LRRC52: variants seen among roughly 807,000 people sequenced by gnomAD.
The protein encoded by LRRC52 is leucine-rich repeat-containing protein 52.
In LRRC52, 15 loss-of-function variants were observed where a neutral mutation model predicts 14.7. The observed-to-expected ratio is 1.02, with a 90% CI of 0.68 to 1.58. LRRC52 has a LOEUF of 1.58. Among genes scored for constraint, LRRC52 ranks in the 40% most tolerant of loss-of-function variants. The pLI is 0.00. For synonymous variants in LRRC52, 180 were observed against 163.9 expected (o/e 1.10, Z -0.75); for missense variants, 400 against 387.7 (o/e 1.03, Z -0.27).
chr1:165,549,810 G>A (rs1007848875), intron 1 of LRRC52, among the ~76,000 whole-genome samples: 5 of 152,170 alleles, frequency 3.3e-5, no homozygotes, highest in Non-Finnish European at 5.9e-5. Context: ...TTATCATAAG[G>A]CTACACTGAA....
chr1:165,544,151 T>C lies in LRRC52; in HGVS notation c.-146T>C. 2 of 1,017,690 alleles carry C rather than the reference T, an allele frequency of 2.0e-6. No homozygotes were observed. Among genetic ancestry groups the C allele is most frequent in the Non-Finnish European group, 2.9e-6 (2 of 698,912 alleles). 63.0% of individuals were successfully genotyped at this position (1,017,690 alleles called of 1,614,324 possible). On this transcript the variant is annotated 5_prime_UTR_variant, in exon 1 of 2. Coordinates refer to ENST00000294818, the MANE Select transcript of LRRC52 (RefSeq NM_001005214.4). ...CGTTTCAATTTCTGTTCAGTTCTCC[T>C]GTAATGGAAAATTGCTTTGCACAAA... is the stretch of plus-strand genomic sequence containing the variant.
intron 1 of LRRC52, among the ~76,000 whole-genome samples, chr1:165,552,032 G>A (rs1661141732): frequency 6.6e-6 from 1 of 151,542 alleles, no homozygotes; most frequent in Admixed American, 6.6e-5. Context: ...TTCCAAGGCT[G>A]TTGAAAGCCA....
chr1:165,544,259 G>T lies in LRRC52; in HGVS notation c.-38G>T. The stretch of plus-strand genomic sequence containing the variant: ...GCCTTCGGATCAGAGGACAGAGCCC[G>T]CAGGAAGGTGAAAGGAGGGTGGTTG... On this transcript the variant is annotated 5_prime_UTR_variant, in exon 1 of 2. Transcript: ENST00000294818. 3.2e-6 allele frequency: 4 copies of T among 1,269,196 alleles called. No individual in the cohort carries two copies. The highest frequency in any genetic ancestry group is 4.2e-6 in the Non-Finnish European group (4 of 955,346). 78.6% of individuals were successfully genotyped at this position (1,269,196 alleles called of 1,614,324 possible).
intron 1 of LRRC52, among the ~76,000 whole-genome samples, chr1:165,553,199 C>G (rs1661169531): frequency 6.6e-6 from 1 of 152,158 alleles, no homozygotes; most frequent in Non-Finnish European, 1.5e-5. Flanking sequence ...ATGCAACATA[C>G]TAAAGGGTCA....
chr1:165,562,616 G>A (rs1185994545), intron 1 of LRRC52, among the ~76,000 whole-genome samples: 1 of 151,490 alleles, frequency 6.6e-6, no homozygotes, highest in Admixed American at 6.6e-5. Context: ...GTATCCTGCT[G>A]AAGTTTACAA....
chr1:165,563,272 G>A (rs1571115070), intron 1 of LRRC52, among the ~76,000 whole-genome samples: 2 of 152,192 alleles, frequency 1.3e-5, no homozygotes, highest in South Asian at 2.1e-4. Flanking sequence ...AAACTCCAAT[G>A]TGCAACAGAT....
chr1:165,548,171 T>C (rs1441780760), intron 1 of LRRC52, among the ~76,000 whole-genome samples: 2 of 152,166 alleles, frequency 1.3e-5, no homozygotes, highest in Admixed American at 1.3e-4. Flanking sequence ...AACAGACTCA[T>C]TTTAGGCCCA....
chr1:165,563,380 C>G, intron 1 of LRRC52, 125 bp from the exon 2 acceptor site: 1 of 776,780 alleles, frequency 1.3e-6, no homozygotes. Context: ...GATGTCGATG[C>G]TGCTGGCCCA....
intron 1 of LRRC52, among the ~76,000 whole-genome samples, chr1:165,563,057 C>T (rs947663132): frequency 3.3e-5 from 5 of 151,956 alleles, no homozygotes; most frequent in African/African-American, 1.2e-4. Flanking sequence ...AAGGGAAAGT[C>T]GGGATGGAGG....
At chr1:165,556,683 TG>T (rs1390141527) in intron 1 of LRRC52, among the ~76,000 whole-genome samples, 5 of 152,264 alleles carry the variant, frequency 3.3e-5, no homozygotes, top group Admixed American at 1.3e-4. Flanking sequence ...TGTAGTTTGC[TG>T]ACCCCTGGCT....
chr1:165,544,487 G>T lies in LRRC52; in HGVS notation c.191G>T (p.Arg64Ile). Residue 64 changes from arginine (R) to isoleucine (I), a missense_variant, in exon 1 of 2, where the codon AGA becomes ATA. Arg to Ile is a moderately conservative substitution (Grantham distance 97). Transcript: ENST00000294818. ...NTRRLFLNEN[R>I]ITSLPAMHLG... ...CGGAGGCTGTTCCTGAACGAGAACA[G>T]AATCACTAGTTTGCCAGCAATGCAT... The T allele has an allele frequency of 6.2e-7, 1 of 1,614,178 alleles. No homozygotes were observed.
chr1:165,563,748 G>A lies in LRRC52; in HGVS notation c.866G>A (p.Gly289Glu). Reference protein sequence around the residue: ...KSSEEDEDEAGTRVEVSRRIF... With the variant: ...KSSEEDEDEAETRVEVSRRIF... ...AGTGAAGAAGATGAGGACGAGGCCG[G>A]GACTAGGGTGGAAGTCAGCCGGCGG... The change falls in exon 2 of 2, where the codon GGG (glycine) becomes GAG (glutamate). Residue 289 changes from glycine to glutamate, a missense_variant. Physicochemically the swap from Gly to Glu is moderately conservative, Grantham distance 98 (BLOSUM62 -2). Coordinates refer to ENST00000294818, the MANE Select transcript of LRRC52 (RefSeq NM_001005214.4). 2 of 1,614,168 alleles carry A rather than the reference G, an allele frequency of 1.2e-6. No homozygotes were observed. Among genetic ancestry groups the A allele is most frequent in the Non-Finnish European group, 1.7e-6 (2 of 1,180,030 alleles).
At chr1:165,550,149 T>C (rs1661102405) in intron 1 of LRRC52, among the ~76,000 whole-genome samples, 1 of 152,184 alleles carries the variant, frequency 6.6e-6, no homozygotes, top group South Asian at 2.1e-4. Flanking sequence ...TTAATGCTAC[T>C]TGAAGGTGAG....
intron 1 of LRRC52, among the ~76,000 whole-genome samples, chr1:165,548,511 C>G (rs1661068568): frequency 6.6e-6 from 1 of 152,182 alleles, no homozygotes; most frequent in Non-Finnish European, 1.5e-5. Context: ...CATGTGCCTG[C>G]TGGGGTGACA....
At chr1:165,553,269 A>G (rs1035795235) in intron 1 of LRRC52, among the ~76,000 whole-genome samples, 1 of 152,224 alleles carries the variant, frequency 6.6e-6, no homozygotes, top group African/African-American at 2.4e-5. Context: ...AAATTAGAAC[A>G]GGATAAATTC....
intron 1 of LRRC52, among the ~76,000 whole-genome samples, chr1:165,553,244 G>GC (rs1190059687): frequency 2.6e-5 from 4 of 152,152 alleles, no homozygotes; most frequent in African/African-American, 9.7e-5. Context: ...GACAGCAGGA[G>GC]CCCCCAGACA....
Position 165,544,302 on chromosome 1 carries a change from C to T in LRRC52, c.6C>T (p.Ser2=), listed in dbSNP as rs1421462820. 6.2e-7 allele frequency: 1 copy of T among 1,612,148 alleles called. No homozygotes were observed. Among genetic ancestry groups the T allele is most frequent in the South Asian group, 1.1e-5 (1 of 90,946 alleles). Residue 2 remains serine, a synonymous_variant, in exon 1 of 2, where the codon TCC becomes TCT. Transcript: ENST00000294818. ...GGTGGTTGTGGCTTCTTACTATGTC[C>T]CTTGCTTCAGGCCCTGGCCCTGGGT... The part of the protein sequence containing the change: M[S]LASGPGPGWL...
At position 165,544,733 on chromosome 1, in the gene LRRC52, T is replaced by G; in HGVS notation, c.437T>G (p.Phe146Cys). The G allele has an allele frequency of 2.5e-6, 4 of 1,614,054 alleles. No individual in the cohort carries two copies. Among genetic ancestry groups the G allele is most frequent in the Non-Finnish European group, 3.4e-6 (4 of 1,180,000 alleles). ...CTGTTATCGCTTCACAAGTTCACCT[T>G]TGCCAACACCACCTCTTTGAGGTAC... Reference protein sequence around the residue: ...PHLLSLHKFTFANTTSLRYLD... With the variant: ...PHLLSLHKFTCANTTSLRYLD... Residue 146 changes from phenylalanine (F) to cysteine (C), a missense_variant, in exon 1 of 2, where the codon TTT (phenylalanine) becomes TGT (cysteine). Transcript: ENST00000294818.
chr1:165,555,149 G>A (rs1414200723), intron 1 of LRRC52, among the ~76,000 whole-genome samples: 1 of 152,224 alleles, frequency 6.6e-6, no homozygotes, highest in African/African-American at 2.4e-5. Context: ...ATGACATAAT[G>A]TCAAATAACA....
Sources: allele counts gnomAD v4.1 joint callset (sites outside exome capture counted in the v4.1 genomes callset), GRCh38; gene constraint gnomAD v4.1.1; transcripts MANE v1.5; gene names NCBI Gene and HGNC (gene_info 2026-07-23, HGNC 2026-07-21).